Variants in SLC5A8 observed in about 807,000 individuals in gnomAD.
SLC5A8 encodes sodium-coupled monocarboxylate transporter 1.
In SLC5A8, 55 loss-of-function variants were observed where a neutral mutation model predicts 71.9. That is an observed-to-expected ratio of 0.77 (90% CI 0.62 to 0.96). The LOEUF (loss-of-function observed/expected upper bound fraction) is 0.96. Ranked by LOEUF, SLC5A8 falls within the 40% of genes least tolerant of loss-of-function variation. SLC5A8 has a pLI of 0.00. For synonymous variants in SLC5A8, 307 were observed against 276.1 expected (o/e 1.11, Z -1.11); for missense variants, 701 against 745.3 (o/e 0.94, Z 0.69).
At chr12:101,160,690 C>T (rs1322090300) in intron 13 of SLC5A8, among the ~76,000 whole-genome samples, 4 of 152,142 alleles carry the variant, frequency 2.6e-5, no homozygotes, top group African/African-American at 7.2e-5. Context: ...TCCCTGCCCT[C>T]GTTCCCCTAC....
At chr12:101,196,129 A>G (rs1869167892) in intron 3 of SLC5A8, among the ~76,000 whole-genome samples, 1 of 151,988 alleles carries the variant, frequency 6.6e-6, no homozygotes, top group East Asian at 1.9e-4. Context: ...CCATTAAACC[A>G]TTTGTTGTTT....
At position 101,164,092 on chromosome 12, in the gene SLC5A8, A is replaced by G. The variant is rs1266694818; in HGVS notation, c.1527-2015T>C. ...AAACAAGACACATAAAGGACTAACCATATAGGAAAAAACTGAGAAACAGAA... is the reference window on the plus strand; with the variant it reads ...AAACAAGACACATAAAGGACTAACCGTATAGGAAAAAACTGAGAAACAGAA... On this transcript the variant is annotated intron_variant, in intron 12 of 14. Coordinates refer to ENST00000536262, the MANE Select transcript of SLC5A8 (RefSeq NM_145913.5). 3.3e-5 allele frequency among the ~76,000 whole-genome samples: 5 copies of G among 152,248 alleles called. No homozygotes were observed. In the East Asian group the frequency reaches 9.6e-4, roughly 29 times the overall value.
chr12:101,168,215 A>T, intron 10 of SLC5A8, 33 bp from the exon 11 acceptor site: 1 of 1,553,768 alleles, frequency 6.4e-7, no homozygotes, highest in South Asian at 1.2e-5. Context: ...GCAATTAGCA[A>T]TCTCAAATCG....
At chr12:101,180,741 A>G (rs1342074631) in intron 9 of SLC5A8, among the ~76,000 whole-genome samples, 1 of 149,898 alleles carries the variant, frequency 6.7e-6, no homozygotes. Context: ...TTTCATAGAG[A>G]CGGGGTGTCG....
intron 10 of SLC5A8, among the ~76,000 whole-genome samples, chr12:101,176,773 A>C (rs1286973287): frequency 2.0e-4 from 31 of 152,126 alleles, no homozygotes; most frequent in Admixed American, 2.0e-3. Context: ...AAAGTTGTGG[A>C]ACACAGCTAA....
At position 101,180,113 on chromosome 12, in the gene SLC5A8, A is replaced by G; in HGVS notation, c.1166-17T>C. The G allele has an allele frequency of 6.2e-7, 1 of 1,613,876 alleles. No homozygotes were observed. The highest frequency in any genetic ancestry group is 8.5e-7 in the Non-Finnish European group (1 of 1,179,754). ...ACACCACACCTAAATGGACAACATAAAAGCCAGTGTAAAATCCACACCCAG... is the reference window on the plus strand; with the variant it reads ...ACACCACACCTAAATGGACAACATAGAAGCCAGTGTAAAATCCACACCCAG... On this transcript the variant is annotated splice_polypyrimidine_tract_variant and intron_variant, in intron 9 of 14. Coordinates refer to ENST00000536262, the MANE Select transcript of SLC5A8 (RefSeq NM_145913.5).
At chr12:101,167,984 T>C (rs1180394673) in intron 11 of SLC5A8, 112 bp downstream of exon 11, 1 of 1,009,062 alleles carries the variant, frequency 9.9e-7, no homozygotes, top group Non-Finnish European at 1.5e-6. Context: ...ATTTAAGTCA[T>C]CAAGACAAGT....
At chr12:101,164,455 G>A (rs1490851921) in intron 12 of SLC5A8, among the ~76,000 whole-genome samples, 1 of 152,136 alleles carries the variant, frequency 6.6e-6, no homozygotes, top group Non-Finnish European at 1.5e-5. Context: ...ACTGAATCTA[G>A]GCAATTGAAA....
At chr12:101,194,598 TG>T (rs1176882607) in intron 4 of SLC5A8, among the ~76,000 whole-genome samples, 1 of 152,212 alleles carries the variant, frequency 6.6e-6, no homozygotes, top group Non-Finnish European at 1.5e-5. Context: ...CCTGAGTAGC[TG>T]GGACTACAGG....
Position 101,202,015 on chromosome 12 carries a change from A to G in SLC5A8, c.469+149T>C, listed in dbSNP as rs1269565651. The G allele has an allele frequency of 1.1e-5, 8 of 744,796 alleles. No homozygotes were observed. In the East Asian group the frequency reaches 2.0e-4, roughly 19 times the overall value. The allele number at this position is 744,796 out of a possible 1,614,324, so 46.1% of individuals were successfully genotyped here. A position where few individuals can be genotyped will look rare whatever the true frequency, so the allele number is the denominator to read the frequency against. ...CAAAAACCCAAAGAAGCTAGTGTAGACACTGAACCCATCCTGCCCCGCTAA... is the reference window on the plus strand; with the variant it reads ...CAAAAACCCAAAGAAGCTAGTGTAGGCACTGAACCCATCCTGCCCCGCTAA... On this transcript the variant is annotated intron_variant, in intron 3 of 14. Coordinates refer to ENST00000536262, the MANE Select transcript of SLC5A8 (RefSeq NM_145913.5).
chr12:101,193,380 T>A (rs1233017853), intron 5 of SLC5A8, among the ~76,000 whole-genome samples: 2 of 152,186 alleles, frequency 1.3e-5, no homozygotes, highest in Non-Finnish European at 2.9e-5. Flanking sequence ...TTTTTTGCTT[T>A]AAGTCCCTTC....
intron 10 of SLC5A8, among the ~76,000 whole-genome samples, chr12:101,171,417 C>G (rs1172699033): frequency 6.6e-6 from 1 of 152,090 alleles, no homozygotes; most frequent in African/African-American, 2.4e-5. Context: ...CACCCCTGAC[C>G]CTGAGGGGGT....
At chr12:101,178,438 T>A (rs991243420) in intron 10 of SLC5A8, among the ~76,000 whole-genome samples, 1 of 152,268 alleles carries the variant, frequency 6.6e-6, no homozygotes, top group African/African-American at 2.4e-5. Flanking sequence ...AATCAAATTA[T>A]AAAGCTGTGT....
intron 7 of SLC5A8, among the ~76,000 whole-genome samples, chr12:101,184,553 C>T (rs1868538408): frequency 6.6e-6 from 1 of 152,076 alleles, no homozygotes; most frequent in Admixed American, 6.5e-5. Flanking sequence ...TTATGTAAAA[C>T]TCATAGTATA....
intron 10 of SLC5A8, among the ~76,000 whole-genome samples, chr12:101,179,473 G>A (rs893147271): frequency 5.9e-5 from 9 of 152,164 alleles, no homozygotes; most frequent in Admixed American, 2.6e-4. Context: ...AATAAAACAG[G>A]ACAGATTATT....
intron 1 of SLC5A8, among the ~76,000 whole-genome samples, chr12:101,207,887 A>G (rs941695114): frequency 6.6e-6 from 1 of 152,152 alleles, no homozygotes; most frequent in Admixed American, 6.5e-5. Context: ...ACATAAATGC[A>G]GATAAAAATT....
intron 10 of SLC5A8, among the ~76,000 whole-genome samples, chr12:101,170,034 T>C (rs994889524): frequency 6.6e-6 from 1 of 152,158 alleles, no homozygotes; most frequent in Non-Finnish European, 1.5e-5. Context: ...AACTGAAGAA[T>C]AACTAAGGCT....
At chr12:101,191,252 G>C (rs1263385784) in intron 5 of SLC5A8, among the ~76,000 whole-genome samples, 1 of 152,188 alleles carries the variant, frequency 6.6e-6, no homozygotes, top group African/African-American at 2.4e-5. Flanking sequence ...TTGTCACAGG[G>C]AAAGCTCAAC....
intron 1 of SLC5A8, among the ~76,000 whole-genome samples, chr12:101,208,631 CTG>C (rs1177774424): frequency 6.6e-6 from 1 of 152,124 alleles, no homozygotes; most frequent in East Asian, 1.9e-4. Flanking sequence ...GCCAGGGGAC[CTG>C]TGCAATAGAG....
Sources: gnomAD v4.1 joint callset for allele counts (sites outside exome capture counted in the v4.1 genomes callset) on GRCh38, gnomAD v4.1.1 for gene constraint, MANE v1.5 for transcripts, NCBI Gene and HGNC (gene_info 2026-07-23, HGNC 2026-07-21) for gene names.